Variants in ST6GALNAC3 observed in about 807,000 individuals in gnomAD.
The protein encoded by ST6GALNAC3 is ST6 N-acetylgalactosaminide alpha-2,6-sialyltransferase 3.
Under a neutral mutation model 32.7 loss-of-function variants are expected in ST6GALNAC3, and 25 were observed. That is an observed-to-expected ratio of 0.76 (90% CI 0.56 to 1.07). The LOEUF (loss-of-function observed/expected upper bound fraction) is 1.07, where lower values mean the gene tolerates loss of function less well. ST6GALNAC3 is among the 50% of genes least tolerant of loss of function. The pLI, the probability that ST6GALNAC3 is intolerant of heterozygous loss-of-function variation, is 0.00. For missense variants in ST6GALNAC3, 355 were observed against 382.4 expected, an observed-to-expected ratio of 0.93 and a Z score of 0.60; for synonymous variants, 129 against 133.1, an observed-to-expected ratio of 0.97 and a Z score of 0.21.
chr1:76,229,838 GGT>G (rs1275705486), intron 1 of ST6GALNAC3, among the ~76,000 whole-genome samples: 22 of 152,200 alleles, frequency 1.4e-4, no homozygotes, highest in Admixed American at 3.9e-4. Flanking sequence ...GCATGCATTA[GGT>G]ATTACCATCT....
chr1:76,105,160 A>G (rs1321461917), intron 1 of ST6GALNAC3, among the ~76,000 whole-genome samples: 1 of 152,250 alleles, frequency 6.6e-6, no homozygotes, highest in African/African-American at 2.4e-5. Context: ...AGTGGAGGGA[A>G]TAGTCCAAAT....
chr1:76,545,285 G>A (rs1664224464), intron 3 of ST6GALNAC3, among the ~76,000 whole-genome samples: 1 of 152,164 alleles, frequency 6.6e-6, no homozygotes, highest in African/African-American at 2.4e-5. Context: ...TATGCATTTT[G>A]TAGCATTCCT....
chr1:76,528,619 G>A (rs946485469), intron 3 of ST6GALNAC3, among the ~76,000 whole-genome samples: 2 of 151,804 alleles, frequency 1.3e-5, no homozygotes, highest in African/African-American at 4.8e-5. Context: ...TGAAAATGTC[G>A]TTTGTGGCTC....
At chr1:76,614,613 G>T (rs1417118694) in intron 3 of ST6GALNAC3, among the ~76,000 whole-genome samples, 7 of 150,630 alleles carry the variant, frequency 4.6e-5, no homozygotes, top group African/African-American at 1.7e-4. Context: ...CAGCTACTCG[G>T]CAGGCTGAGG....
chr1:76,175,191 TA>T (rs902772884), intron 1 of ST6GALNAC3, among the ~76,000 whole-genome samples: 121 of 149,268 alleles, frequency 8.1e-4, no homozygotes, highest in Non-Finnish European at 1.3e-3. Flanking sequence ...TTTTTGTAAA[TA>T]AAAAAAAAAT....
rs557803635 is a variant in ST6GALNAC3, at chr1:76,112,583, G to T, written c.18+37699G>T. Among the ~76,000 whole-genome samples the T allele has an allele frequency of 1.5e-3, 228 of 152,002 alleles. 2 individuals are homozygous for T. Among genetic ancestry groups the T allele is most frequent in the African/African-American group, 5.3e-3 (221 of 41,434 alleles). ...GGAGACGCTCCTCACTTCCCAGACG[G>T]TGTGGCTGCCGCGCGGAGGGGCTCC... On this transcript the variant is annotated intron_variant, in intron 1 of 4. Coordinates refer to ENST00000328299, the MANE Select transcript of ST6GALNAC3 (RefSeq NM_152996.4).
intron 3 of ST6GALNAC3, among the ~76,000 whole-genome samples, chr1:76,622,552 C>T (rs187639980): frequency 1.3e-5 from 2 of 151,836 alleles, no homozygotes; most frequent in South Asian, 2.1e-4. Flanking sequence ...ATCCACTGCC[C>T]TCTTAGGACC....
intron 1 of ST6GALNAC3, among the ~76,000 whole-genome samples, chr1:76,277,315 G>A (rs1423062861): frequency 2.6e-5 from 4 of 151,462 alleles, no homozygotes; most frequent in African/African-American, 9.7e-5. Context: ...GATATATTTG[G>A]GCAGTGTGGT....
chr1:76,570,203 C>A (rs1665778697), intron 3 of ST6GALNAC3, among the ~76,000 whole-genome samples: 1 of 152,064 alleles, frequency 6.6e-6, no homozygotes, highest in Non-Finnish European at 1.5e-5. Context: ...GACATTTAAA[C>A]CTTTATGGAA....
intron 3 of ST6GALNAC3, among the ~76,000 whole-genome samples, chr1:76,463,690 G>A (rs542463563): frequency 2.0e-5 from 3 of 152,172 alleles, no homozygotes; most frequent in Admixed American, 6.5e-5. Context: ...CTTTCCTACC[G>A]CAGGGTTTGG....
rs748580156 is a variant in ST6GALNAC3 at position 76,180,492 on chromosome 1, TC to T, written c.18+105612del. ...CCACCCTCAAGCCTGGATATCCCTG[TC>T]CCCAAGTGAGAACAGACATTCCTGT... On this transcript the variant is annotated intron_variant, in intron 1 of 4. Transcript: ENST00000328299. 7.9e-5 allele frequency among the ~76,000 whole-genome samples: 12 copies of T among 152,184 alleles called. 1 individual carries two copies. The South Asian group carries it at 1.0e-3, about 13-fold the overall frequency.
At chr1:76,635,734 A>G (rs921041665), downstream of ST6GALNAC3, among the ~76,000 whole-genome samples, 18 of 152,170 alleles carry the variant, frequency 1.2e-4, no homozygotes, top group African/African-American at 3.9e-4. Context: ...GACACCTTCC[A>G]TCATGTGGCT....
At chr1:76,210,878 C>T (rs1655114854) in intron 1 of ST6GALNAC3, among the ~76,000 whole-genome samples, 1 of 152,180 alleles carries the variant, frequency 6.6e-6, no homozygotes, top group Non-Finnish European at 1.5e-5. Context: ...TCCCAAGTAG[C>T]TGGGGTTACA....
At chr1:76,252,199 G>C (rs1405065469) in intron 1 of ST6GALNAC3, among the ~76,000 whole-genome samples, 1 of 152,116 alleles carries the variant, frequency 6.6e-6, no homozygotes, top group African/African-American at 2.4e-5. Flanking sequence ...CGTTTGGATG[G>C]GTGGCTGTAT....
chr1:76,209,190 T>C (rs1286652292), intron 1 of ST6GALNAC3, among the ~76,000 whole-genome samples: 2 of 152,320 alleles, frequency 1.3e-5, no homozygotes, highest in East Asian at 3.9e-4. Context: ...AGGAGGTTTT[T>C]GAGGTTGTGT....
Position 76,628,811 on chromosome 1 carries a change from G to C in ST6GALNAC3, c.*5G>C. 1.2e-6 allele frequency: 2 copies of C among 1,609,428 alleles called. No individual in the cohort carries two copies. The highest frequency in any genetic ancestry group is 1.7e-6 in the Non-Finnish European group (2 of 1,177,848). On this transcript the variant is annotated 3_prime_UTR_variant, in exon 5 of 5. Coordinates refer to ENST00000328299, the MANE Select transcript of ST6GALNAC3 (RefSeq NM_152996.4). ...CCAAACTGGACATTGTCTTGATAAT[G>C]GTTTTCCTGATCTTGCCGCATCACT... is the stretch of plus-strand genomic sequence containing the variant.
chr1:76,249,544 G>T (rs532963938), intron 1 of ST6GALNAC3, among the ~76,000 whole-genome samples: 3 of 151,674 alleles, frequency 2.0e-5, no homozygotes, highest in Non-Finnish European at 2.9e-5. Context: ...AGTTATAGCC[G>T]CTTTTAGGAT....
At chr1:76,308,780 A>G (rs3884184) in intron 1 of ST6GALNAC3, among the ~76,000 whole-genome samples, 42,668 of 152,088 alleles carry the variant, frequency 0.28, 6,301 homozygotes, top group East Asian at 0.58. Flanking sequence ...AGAATATTTT[A>G]GAATTGCAAA....
At chr1:76,472,814 T>C (rs1659119550) in intron 3 of ST6GALNAC3, among the ~76,000 whole-genome samples, 1 of 151,754 alleles carries the variant, frequency 6.6e-6, no homozygotes, top group South Asian at 2.1e-4. Flanking sequence ...ATTATGAAAA[T>C]TGGAGAGAAA....
Sources: gnomAD v4.1 joint callset for allele counts (sites outside exome capture counted in the v4.1 genomes callset) on GRCh38, gnomAD v4.1.1 for gene constraint, MANE v1.5 for transcripts, NCBI Gene and HGNC (gene_info 2026-07-23, HGNC 2026-07-21) for gene names.